Variants in WDFY4 observed in about 807,000 individuals in gnomAD.
WDFY4 encodes the protein WD repeat- and FYVE domain-containing protein 4.
A neutral mutation model predicts 351.9 loss-of-function variants in WDFY4; 169 were observed. The ratio of observed to expected loss-of-function variants is 0.48; its 90% confidence interval spans 0.42 to 0.55. The LOEUF (loss-of-function observed/expected upper bound fraction) is 0.55. WDFY4 is among the 20% of genes least tolerant of loss of function. The pLI is 0.00. For synonymous variants in WDFY4, 1,622 were observed against 1,574.6 expected (o/e 1.03, Z -0.71); for missense variants, 3,803 against 3,935.6 (o/e 0.97, Z 0.90).
intron 15 of WDFY4, 85 bp from the exon 16 acceptor site, chr10:48,776,665 C>T (rs890665741): frequency 4.0e-5 from 51 of 1,278,802 alleles, no homozygotes; most frequent in African/African-American, 2.6e-4. Flanking sequence ...TTCTGGGCTG[C>T]GGCAGATACT....
At chr10:48,686,256 A>G (rs7895383) in intron 1 of WDFY4, among the ~76,000 whole-genome samples, 56,361 of 149,318 alleles carry the variant, frequency 0.38, 11,153 homozygotes, top group African/African-American at 0.49. Flanking sequence ...TGAGAGGGGC[A>G]GATCACCTGA....
At chr10:48,913,593 A>C in intron 47 of WDFY4, 1 of 1,613,990 alleles carries the variant, frequency 6.2e-7, no homozygotes, top group African/African-American at 1.3e-5. Context: ...GGAGTCTATG[A>C]ATATTTCCGA....
At chr10:48,961,961 C>T (rs1201804365) in intron 53 of WDFY4, among the ~76,000 whole-genome samples, 1 of 152,152 alleles carries the variant, frequency 6.6e-6, no homozygotes, top group Admixed American at 6.5e-5. Flanking sequence ...CTTGAACTTG[C>T]TGAAGGAGAA....
At chr10:48,817,215 C>G (rs951678177) in intron 31 of WDFY4, 30 bp from the exon 32 acceptor site, 35 of 1,549,714 alleles carry the variant, frequency 2.3e-5, no homozygotes, top group Non-Finnish European at 2.7e-5. Context: ...TCATGCTGCC[C>G]TGCACTACCT....
chr10:48,972,584 A>C (rs1053983258), intron 57 of WDFY4, among the ~76,000 whole-genome samples: 5 of 152,252 alleles, frequency 3.3e-5, no homozygotes, highest in Non-Finnish European at 7.3e-5. Flanking sequence ...ACTACAGTTT[A>C]ATAAACCATT....
At chr10:48,922,486 A>G (rs963497803) in intron 47 of WDFY4, among the ~76,000 whole-genome samples, 1 of 152,238 alleles carries the variant, frequency 6.6e-6, no homozygotes, top group African/African-American at 2.4e-5. Context: ...AGCAAGAATG[A>G]ATCTTCTATC....
chr10:48,866,602 A>C (rs754414812), intron 39 of WDFY4, among the ~76,000 whole-genome samples: 14 of 152,204 alleles, frequency 9.2e-5, no homozygotes, highest in Non-Finnish European at 1.9e-4. Flanking sequence ...TCCTCTTCAG[A>C]ATCTTGGCTC....
At chr10:48,817,686 T>C (rs1349810094) in intron 32 of WDFY4, among the ~76,000 whole-genome samples, 1 of 152,244 alleles carries the variant, frequency 6.6e-6, no homozygotes, top group South Asian at 2.1e-4. Context: ...GTCTGTGGCA[T>C]ACACAGGCAC....
chr10:48,801,446 T>G, intron 24 of WDFY4: 1 of 452,438 alleles, frequency 2.2e-6, no homozygotes, highest in Non-Finnish European at 4.5e-6. Context: ...TATCATTTGT[T>G]GAATGACTGC....
chr10:48,764,749 A>G (rs1589549747), intron 13 of WDFY4, among the ~76,000 whole-genome samples: 1 of 152,286 alleles, frequency 6.6e-6, no homozygotes, highest in Non-Finnish European at 1.5e-5. Context: ...GTGAATAATT[A>G]CAGACCACCT....
chr10:48,930,650 T>A (rs1839938606), intron 47 of WDFY4, among the ~76,000 whole-genome samples: 1 of 152,108 alleles, frequency 6.6e-6, no homozygotes, highest in African/African-American at 2.4e-5. Flanking sequence ...ACAAGACTTT[T>A]GATAGAAACA....
chr10:48,788,588 A>T lies in WDFY4; in HGVS notation c.3867A>T (p.Gly1289=). 1 of 1,551,886 alleles carries T rather than the reference A, an allele frequency of 6.4e-7. No individual in the cohort carries two copies. Among genetic ancestry groups the T allele is most frequent in the Non-Finnish European group, 8.7e-7 (1 of 1,147,016 alleles). ...PFVAEERVSF[G]LHIASSSITS... is the part of the protein sequence containing the mutation. ...TTGCAGAAGAAAGAGTTTCTTTTGGACTTCACATAGCCAGCTCCTCTATCA... is the reference window on the plus strand; with the variant it reads ...TTGCAGAAGAAAGAGTTTCTTTTGGTCTTCACATAGCCAGCTCCTCTATCA... The change falls in exon 21 of 62, where the codon GGA becomes GGT. Residue 1289 remains glycine, a synonymous_variant. Coordinates refer to ENST00000325239, the MANE Select transcript of WDFY4 (RefSeq NM_001394531.1).
chr10:48,886,629 A>C (rs1305670775), intron 43 of WDFY4, among the ~76,000 whole-genome samples: 1 of 152,130 alleles, frequency 6.6e-6, no homozygotes, highest in African/African-American at 2.4e-5. Context: ...ATGCTCTGGG[A>C]CTTCCTGTCC....
rs1461299295 is a variant in WDFY4, at chr10:48,904,950, T to C, written c.7586+3087T>C. Among the ~76,000 whole-genome samples, 6 of 152,150 alleles carry C rather than the reference T, an allele frequency of 3.9e-5. No individual in the cohort carries two copies. In the East Asian group the frequency reaches 9.6e-4, roughly 24 times the overall value. ...GTCAGCAAAAGCAGGTGGCCACACA[T>C]GGTTCCACGCAGAGGGAAGTTCCAA... On this transcript the variant is annotated intron_variant, in intron 47 of 61. Transcript: ENST00000325239.
At chr10:48,780,996 C>T (rs1481668512) in intron 19 of WDFY4, among the ~76,000 whole-genome samples, 1 of 152,082 alleles carries the variant, frequency 6.6e-6, no homozygotes, top group African/African-American at 2.4e-5. Flanking sequence ...TCTGGATTCC[C>T]CCTAAATGCC....
At chr10:48,798,462 A>C (rs907746269) in intron 24 of WDFY4, among the ~76,000 whole-genome samples, 1 of 152,254 alleles carries the variant, frequency 6.6e-6, no homozygotes, top group Non-Finnish European at 1.5e-5. Flanking sequence ...ATACCACAGA[A>C]GAATGAGCAA....
At chr10:48,784,154 G>A (rs1273152733) in intron 19 of WDFY4, among the ~76,000 whole-genome samples, 1 of 152,194 alleles carries the variant, frequency 6.6e-6, no homozygotes, top group Admixed American at 6.5e-5. Context: ...GTGAGCATTT[G>A]TGTACAGGTT....
chr10:48,954,024 A>G (rs1336013159), intron 51 of WDFY4, among the ~76,000 whole-genome samples: 1 of 152,234 alleles, frequency 6.6e-6, no homozygotes, highest in African/African-American at 2.4e-5. Flanking sequence ...AACTTGGATC[A>G]ATGTGCAGGA....
intron 47 of WDFY4, chr10:48,910,285 G>A (rs201745336): frequency 5.6e-6 from 9 of 1,611,594 alleles, no homozygotes; most frequent in Middle Eastern, 1.6e-4. Context: ...AAGAAGGTGA[G>A]GCAATTGCTC....
Sources: allele counts gnomAD v4.1 joint callset (sites outside exome capture counted in the v4.1 genomes callset), GRCh38; gene constraint gnomAD v4.1.1; transcripts MANE v1.5; gene names NCBI Gene and HGNC (gene_info 2026-07-23, HGNC 2026-07-21).